Variants in RBMS1 observed in about 807,000 individuals in gnomAD.
RBMS1 encodes RNA-binding motif, single-stranded-interacting protein 1.
A neutral mutation model predicts 62.3 loss-of-function variants in RBMS1; 17 were observed. The observed-to-expected ratio is 0.27, with a 90% CI of 0.19 to 0.41. The LOEUF (loss-of-function observed/expected upper bound fraction) is 0.41. Ranked by LOEUF, RBMS1 falls within the 10% of genes least tolerant of loss-of-function variation. RBMS1 has a pLI of 1.00. For synonymous variants in RBMS1, 172 were observed against 170.0 expected (o/e 1.01, Z -0.09); for missense variants, 334 against 504.5 (o/e 0.66, Z 3.24).
chr2:160,469,392 G>C (rs1445534400), intron 1 of RBMS1, among the ~76,000 whole-genome samples: 1 of 152,116 alleles, frequency 6.6e-6, no homozygotes, highest in Admixed American at 6.5e-5. Context: ...TTGCCACCCA[G>C]CCCTGACTCC....
chr2:160,287,423 C>T (rs1319389752), intron 6 of RBMS1, among the ~76,000 whole-genome samples: 1 of 152,150 alleles, frequency 6.6e-6, no homozygotes, highest in African/African-American at 2.4e-5. Context: ...TCTTCAAATT[C>T]AATAGGATTG....
chr2:160,438,047 C>T (rs1028464097), intron 1 of RBMS1, among the ~76,000 whole-genome samples: 3 of 152,186 alleles, frequency 2.0e-5, no homozygotes, highest in African/African-American at 7.2e-5. Context: ...TAGGGTCCTC[C>T]TGTTCCTACC....
intron 4 of RBMS1, among the ~76,000 whole-genome samples, chr2:160,304,602 C>T: frequency 6.6e-6 from 1 of 152,078 alleles, no homozygotes; most frequent in Non-Finnish European, 1.5e-5. Flanking sequence ...CTTGATGATC[C>T]TGACACTGTG....
intron 1 of RBMS1, among the ~76,000 whole-genome samples, chr2:160,455,885 G>T (rs1216876282): frequency 2.0e-5 from 3 of 151,686 alleles, no homozygotes; most frequent in Non-Finnish European, 4.4e-5. Context: ...GGGTTTCACC[G>T]TGTTAGCCAG....
chr2:160,340,641 T>C (rs1034343817), intron 2 of RBMS1, among the ~76,000 whole-genome samples: 5 of 151,980 alleles, frequency 3.3e-5, no homozygotes, highest in African/African-American at 1.2e-4. Flanking sequence ...ATACAACTTA[T>C]AAAAGATGGG....
intron 1 of RBMS1, among the ~76,000 whole-genome samples, chr2:160,477,358 CAAA>C (rs200712687): frequency 1.3e-4 from 19 of 151,604 alleles, no homozygotes; most frequent in African/African-American, 3.4e-4. Flanking sequence ...ACAACAACAA[CAAA>C]AAAAAATTAA....
intron 9 of RBMS1, chr2:160,282,171 G>C: frequency 5.9e-6 from 7 of 1,191,940 alleles, no homozygotes; most frequent in Non-Finnish European, 7.0e-6. Flanking sequence ...AAACCCTCCT[G>C]CATTTTATCC....
At chr2:160,292,130 A>G (rs952959651) in intron 6 of RBMS1, among the ~76,000 whole-genome samples, 2 of 152,192 alleles carry the variant, frequency 1.3e-5, no homozygotes, top group African/African-American at 2.4e-5. Flanking sequence ...GCCAACTGCT[A>G]TAGTGGTGGG....
At chr2:160,447,057 A>C (rs1683684342) in intron 1 of RBMS1, among the ~76,000 whole-genome samples, 2 of 152,256 alleles carry the variant, frequency 1.3e-5, no homozygotes, top group Non-Finnish European at 2.9e-5. Flanking sequence ...GTATAGACGA[A>C]GTACTTACGA....
rs200880134 is a variant in RBMS1, at chr2:160,277,270, A to G, written c.1143+33T>C. ...TTTACCCATTTCTGAAACTACTTAT[A>G]GCCAGAATGGTCACTGGATGGTCTC... On this transcript the variant is annotated intron_variant, in intron 12 of 13. Coordinates refer to ENST00000348849, the MANE Select transcript of RBMS1 (RefSeq NM_016836.4). 1.6e-5 allele frequency: 24 copies of G among 1,524,798 alleles called. No homozygotes were observed. The African/African-American group carries it at 2.9e-4, about 18-fold the overall frequency. The allele number at this position is 1,524,798 out of a possible 1,614,324, so 94.5% of individuals were successfully genotyped here.
intron 2 of RBMS1, among the ~76,000 whole-genome samples, chr2:160,333,528 C>G (rs1413184818): frequency 6.6e-6 from 1 of 152,200 alleles, no homozygotes; most frequent in Non-Finnish European, 1.5e-5. Flanking sequence ...CAAGCCTACA[C>G]TGGGCTCAGT....
rs1559360972 is a variant in RBMS1, at chr2:160,311,218, ATC to A, written c.402+1936_402+1937del. 1.6e-3 allele frequency among the ~76,000 whole-genome samples: 94 copies of A among 59,674 alleles called. 7 individuals carry two copies. The highest frequency in any genetic ancestry group is 6.4e-3 in the Admixed American group (31 of 4,854). The allele number at this position is 59,674 out of a possible 152,430, so 39.1% of individuals were successfully genotyped here. On this transcript the variant is annotated intron_variant, in intron 4 of 13. Transcript: ENST00000348849. ...TCCAAAAAAAAAAAAAAATCTATCT[ATC>A]TATCTATCTATCTATATATATATAT...
chr2:160,272,380 C>T lies in RBMS1; in HGVS notation c.*2392G>A, dbSNP rs1408018056. 1.3e-5 allele frequency: 2 copies of T among 151,616 alleles called. No individual in the cohort carries two copies. Among genetic ancestry groups the T allele is most frequent in the East Asian group, 1.9e-4 (1 of 5,182 alleles). 9.4% of individuals were successfully genotyped at this position (151,616 alleles called of 1,614,324 possible). A position where few individuals can be genotyped will look rare whatever the true frequency, so the allele number is the denominator to read the frequency against. ...AACTCTCTTGATCATATAGATATCT[C>T]TATGAAAATCTTTTTTTTTCAATCT... On this transcript the variant is annotated 3_prime_UTR_variant, in exon 14 of 14. Transcript: ENST00000348849.
chr2:160,400,068 C>T (rs1328842672), intron 1 of RBMS1, among the ~76,000 whole-genome samples: 1 of 152,196 alleles, frequency 6.6e-6, no homozygotes, highest in Non-Finnish European at 1.5e-5. Context: ...CCATCTTGCT[C>T]TGGAGCTTTG....
chr2:160,360,200 C>G (rs543930625), intron 2 of RBMS1, among the ~76,000 whole-genome samples: 71 of 152,236 alleles, frequency 4.7e-4, no homozygotes, highest in Admixed American at 1.5e-3. Flanking sequence ...ATCTGGGGAA[C>G]ACAGGGAGAT....
chr2:160,371,322 C>T (rs1156818208), intron 1 of RBMS1, among the ~76,000 whole-genome samples: 2 of 152,158 alleles, frequency 1.3e-5, no homozygotes, highest in African/African-American at 4.8e-5. Context: ...TCTCAAAACC[C>T]GGAAGCTGCC....
chr2:160,493,613 T>G lies in RBMS1; in HGVS notation c.-250A>C. ...TCCTCCCAGGCAGAAAGAAAGACAC[T>G]GCAGAGCGCAGAGGGCACCCCGGAC... On this transcript the variant is annotated 5_prime_UTR_variant, in exon 1 of 14. Transcript: ENST00000348849. 1 of 548,850 alleles carries G rather than the reference T, an allele frequency of 1.8e-6. No individual in the cohort carries two copies. The allele number at this position is 548,850 out of a possible 1,614,324, so 34.0% of individuals were successfully genotyped here. A position where few individuals can be genotyped will look rare whatever the true frequency, so the allele number is the denominator to read the frequency against.
chr2:160,429,559 GA>G (rs1682801878), intron 1 of RBMS1, among the ~76,000 whole-genome samples: 1 of 152,152 alleles, frequency 6.6e-6, no homozygotes, highest in Non-Finnish European at 1.5e-5. Context: ...ACTAAATCAA[GA>G]ATTAGGTTTT....
intron 4 of RBMS1, among the ~76,000 whole-genome samples, chr2:160,312,632 C>T (rs1448530938): frequency 1.3e-5 from 2 of 152,072 alleles, no homozygotes; most frequent in African/African-American, 4.8e-5. Context: ...CTAAAAATGT[C>T]TCACTATTGC....
Sources: allele counts gnomAD v4.1 joint callset (sites outside exome capture counted in the v4.1 genomes callset), GRCh38; gene constraint gnomAD v4.1.1; transcripts MANE v1.5; gene names NCBI Gene and HGNC (gene_info 2026-07-23, HGNC 2026-07-21).